Variants in LRP1B observed in about 807,000 individuals in gnomAD.
LRP1B encodes the protein LDL receptor related protein 1B.
A neutral mutation model predicts 556.6 loss-of-function variants in LRP1B; 217 were observed. That is an observed-to-expected ratio of 0.39 (90% CI 0.35 to 0.44). The LOEUF (loss-of-function observed/expected upper bound fraction) is 0.44. LRP1B is among the 20% of genes least tolerant of loss of function. The probability of loss-of-function intolerance (pLI) is 1.00; values close to 1 mark genes in which losing one functional copy is unlikely to be tolerated. For missense variants in LRP1B, 5,053 were observed against 5,620.8 expected (o/e 0.90, Z 3.23); for synonymous variants, 2,047 against 1,865.8 (o/e 1.10, Z -2.50).
intron 2 of LRP1B, among the ~76,000 whole-genome samples, chr2:141,765,834 T>G (rs139315069): frequency 6.6e-6 from 1 of 152,186 alleles, no homozygotes; most frequent in Non-Finnish European, 1.5e-5. Context: ...TCCTCAGAAC[T>G]TGTTACAAAT....
intron 86 of LRP1B, among the ~76,000 whole-genome samples, chr2:140,266,139 T>C (rs964523098): frequency 7.1e-6 from 1 of 140,042 alleles, no homozygotes; most frequent in Non-Finnish European, 1.5e-5. Flanking sequence ...CTACTTACTG[T>C]TTTTTTTTGT....
At chr2:140,817,643 A>T (rs1446193417) in intron 31 of LRP1B, among the ~76,000 whole-genome samples, 1 of 151,974 alleles carries the variant, frequency 6.6e-6, no homozygotes, top group African/African-American at 2.4e-5. Context: ...ACAGTATTTC[A>T]TATATTACTG....
intron 20 of LRP1B, among the ~76,000 whole-genome samples, chr2:140,923,503 C>T (rs1385018061): frequency 6.6e-6 from 1 of 152,060 alleles, no homozygotes; most frequent in Non-Finnish European, 1.5e-5. Context: ...CTCTAAGACA[C>T]ATAAATTAGG....
chr2:141,841,210 C>CT (rs1459985897), intron 1 of LRP1B, among the ~76,000 whole-genome samples: 2 of 151,974 alleles, frequency 1.3e-5, no homozygotes, highest in Non-Finnish European at 2.9e-5. Context: ...TTGGAGAGGG[C>CT]TTATTGAGTG....
chr2:141,839,237 T>C (rs768798835), intron 1 of LRP1B, among the ~76,000 whole-genome samples: 3 of 152,156 alleles, frequency 2.0e-5, no homozygotes, highest in Non-Finnish European at 2.9e-5. Flanking sequence ...GAGAACCAAA[T>C]GGTGAGGTGT....
chr2:140,874,767 C>T (rs1385365083), intron 25 of LRP1B, among the ~76,000 whole-genome samples: 2 of 151,818 alleles, frequency 1.3e-5, no homozygotes, highest in Admixed American at 1.3e-4. Context: ...GCCTGTAATC[C>T]CAGCACTTTG....
chr2:140,440,430 G>A (rs1165604389), intron 66 of LRP1B, among the ~76,000 whole-genome samples: 1 of 152,120 alleles, frequency 6.6e-6, no homozygotes, highest in African/African-American at 2.4e-5. Flanking sequence ...TGAGTCAAAC[G>A]ATAAGGACTT....
chr2:141,491,095 A>G (rs1683317420), intron 2 of LRP1B, among the ~76,000 whole-genome samples: 1 of 152,144 alleles, frequency 6.6e-6, no homozygotes, highest in African/African-American at 2.4e-5. Context: ...TGTGAAAATA[A>G]TAAAAGTACT....
chr2:142,046,031 C>A (rs111896872), intron 1 of LRP1B, among the ~76,000 whole-genome samples: 6,637 of 151,920 alleles, frequency 0.044, 230 homozygotes, highest in Non-Finnish European at 0.059. Flanking sequence ...CAAATTAATT[C>A]TTAAGCAAAC....
At chr2:142,043,217 T>C (rs1704123567) in intron 1 of LRP1B, among the ~76,000 whole-genome samples, 1 of 151,652 alleles carries the variant, frequency 6.6e-6, no homozygotes, top group African/African-American at 2.4e-5. Flanking sequence ...AATATCCAGA[T>C]ACATCATATT....
intron 1 of LRP1B, among the ~76,000 whole-genome samples, chr2:142,100,072 G>A (rs1038738549): frequency 2.0e-4 from 30 of 151,816 alleles, no homozygotes; most frequent in African/African-American, 7.3e-4. Context: ...ACTGTAAGTG[G>A]GGTTTTCTAC....
At chr2:140,628,679 T>C (rs970937014) in intron 41 of LRP1B, among the ~76,000 whole-genome samples, 5 of 152,202 alleles carry the variant, frequency 3.3e-5, no homozygotes, top group African/African-American at 1.2e-4. Flanking sequence ...TTTATATTGT[T>C]AATTAATTGG....
At chr2:140,549,400 G>T (rs190312531) in intron 43 of LRP1B, among the ~76,000 whole-genome samples, 3 of 152,086 alleles carry the variant, frequency 2.0e-5, no homozygotes, top group Non-Finnish European at 4.4e-5. Context: ...CTTACAAATT[G>T]GTATCAAATG....
At chr2:142,093,185 A>T (rs1284271896) in intron 1 of LRP1B, among the ~76,000 whole-genome samples, 1 of 152,144 alleles carries the variant, frequency 6.6e-6, no homozygotes. Flanking sequence ...ATTAAAACTA[A>T]CATTGTGTAG....
chr2:140,719,565 T>C (rs1317976227), intron 35 of LRP1B, among the ~76,000 whole-genome samples: 1 of 152,038 alleles, frequency 6.6e-6, no homozygotes, highest in Non-Finnish European at 1.5e-5. Context: ...TGAAATTGCA[T>C]TTTTGCATTT....
intron 66 of LRP1B, among the ~76,000 whole-genome samples, chr2:140,387,029 T>A (rs1573876029): frequency 6.6e-6 from 1 of 152,128 alleles, no homozygotes; most frequent in African/African-American, 2.4e-5. Context: ...AATAGCAAGG[T>A]TCTAAAGTAT....
intron 60 of LRP1B, among the ~76,000 whole-genome samples, chr2:140,458,193 T>G (rs16844003): frequency 0.08 from 12,097 of 152,126 alleles, 599 homozygotes; most frequent in African/African-American, 0.14. Context: ...GCCACTGAGA[T>G]TTTATGAGCA....
chr2:141,895,343 C>G (rs1039870827), intron 1 of LRP1B, among the ~76,000 whole-genome samples: 9 of 152,012 alleles, frequency 5.9e-5, no homozygotes, highest in Non-Finnish European at 1.3e-4. Context: ...GAGACCATAG[C>G]CATAGACACA....
chr2:140,356,763 T>A (rs555293372), intron 74 of LRP1B, among the ~76,000 whole-genome samples: 3 of 151,894 alleles, frequency 2.0e-5, no homozygotes, highest in African/African-American at 7.2e-5. Flanking sequence ...CAGGAGTCAA[T>A]GATTCTAATG....
Sources: allele counts gnomAD v4.1 joint callset (sites outside exome capture counted in the v4.1 genomes callset), GRCh38; gene constraint gnomAD v4.1.1; transcripts MANE v1.5; gene names NCBI Gene and HGNC (gene_info 2026-07-23, HGNC 2026-07-21).